The following DROSHA variants were observed in gnomAD, a reference collection of about 807,000 sequenced individuals.
DROSHA encodes the protein ribonuclease 3.
In DROSHA, 56 loss-of-function variants were observed where a neutral mutation model predicts 181.9. That is an observed-to-expected ratio of 0.31 (90% CI 0.25 to 0.38). The LOEUF (loss-of-function observed/expected upper bound fraction) is 0.38. Among genes scored for constraint, DROSHA ranks in the 10% least tolerant of loss-of-function variants. The pLI is 1.00. For missense variants in DROSHA, 1,218 were observed against 1,743.5 expected (o/e 0.70, Z 5.37); for synonymous variants, 524 against 591.2 (o/e 0.89, Z 1.65).
intron 3 of DROSHA, among the ~76,000 whole-genome samples, chr5:31,530,329 G>A (rs952522864): frequency 1.3e-5 from 2 of 151,848 alleles, no homozygotes; most frequent in Non-Finnish European, 2.9e-5. Flanking sequence ...GATAAACCTG[G>A]GGCCCGGACA....
intron 11 of DROSHA, among the ~76,000 whole-genome samples, chr5:31,501,658 T>C (rs1014965575): frequency 7.5e-6 from 1 of 133,866 alleles, no homozygotes; most frequent in Admixed American, 7.4e-5. Flanking sequence ...GCAGGAACTC[T>C]GATTGTAGCT....
chr5:31,433,548 C>CT (rs1358788554), intron 25 of DROSHA, among the ~76,000 whole-genome samples: 3 of 150,124 alleles, frequency 2.0e-5, no homozygotes, highest in Non-Finnish European at 3.0e-5. Flanking sequence ...AGCACAACTT[C>CT]TTTTTTTTTT....
intron 20 of DROSHA, among the ~76,000 whole-genome samples, chr5:31,459,326 A>G (rs1010567101): frequency 1.3e-5 from 2 of 151,834 alleles, no homozygotes; most frequent in African/African-American, 2.4e-5. Flanking sequence ...CCAGGAGTCC[A>G]ATGCAAAAAG....
intron 16 of DROSHA, among the ~76,000 whole-genome samples, chr5:31,482,793 CA>C (rs1274177476): frequency 1.3e-5 from 2 of 150,370 alleles, no homozygotes; most frequent in African/African-American, 4.9e-5. Context: ...AAAAGGCAAC[CA>C]AAAGATTTCA....
intron 29 of DROSHA, chr5:31,421,898 T>TATATATATGTATATATATATATGCGCC (rs1554020855): frequency 2.0e-5 from 1 of 50,454 alleles, no homozygotes. Flanking sequence ...AAAAAAAATA[T>TATATATATGTATATATATATATGCGCC]ATATATATAA....
At chr5:31,435,905 C>T (rs1744731227) in intron 24 of DROSHA, 41 bp from the exon 25 acceptor site, 7 of 1,579,804 alleles carry the variant, frequency 4.4e-6, no homozygotes, top group African/African-American at 2.7e-5. Flanking sequence ...ATATGCATCA[C>T]GACATTCTGT....
At chr5:31,456,229 T>C (rs939373079) in intron 20 of DROSHA, among the ~76,000 whole-genome samples, 7 of 152,186 alleles carry the variant, frequency 4.6e-5, no homozygotes, top group African/African-American at 1.4e-4. Flanking sequence ...TATATTTTTA[T>C]TGGTAGATAA....
chr5:31,418,675 T>G (rs1030207917), intron 30 of DROSHA, among the ~76,000 whole-genome samples: 1 of 152,006 alleles, frequency 6.6e-6, no homozygotes, highest in African/African-American at 2.4e-5. Context: ...AGGAAGAGGA[T>G]AAATTCAAGA....
intron 17 of DROSHA, among the ~76,000 whole-genome samples, chr5:31,468,758 T>C (rs752147369): frequency 1.1e-4 from 17 of 152,202 alleles, no homozygotes; most frequent in Non-Finnish European, 5.9e-5. Flanking sequence ...ACCTCCTTCC[T>C]TATAATCACC....
intron 23 of DROSHA, among the ~76,000 whole-genome samples, chr5:31,445,046 T>C (rs934750230): frequency 6.6e-6 from 1 of 152,342 alleles, no homozygotes; most frequent in East Asian, 1.9e-4. Context: ...ATTGCCTCGA[T>C]TTTCTGTCAC....
intron 12 of DROSHA, 149 bp from the exon 13 acceptor site, chr5:31,493,442 T>A: frequency 1.6e-6 from 1 of 629,356 alleles, no homozygotes; most frequent in Non-Finnish European, 2.6e-6. Context: ...TAATTTTACA[T>A]GAAATTATCC....
chr5:31,468,497 T>C (rs1466409423), intron 17 of DROSHA, among the ~76,000 whole-genome samples: 1 of 152,242 alleles, frequency 6.6e-6, no homozygotes, highest in Non-Finnish European at 1.5e-5. Context: ...GTGGATCTTA[T>C]GTATTCCTTT....
At chr5:31,403,404 CATACATAT>C (rs1258079106) in intron 35 of DROSHA, among the ~76,000 whole-genome samples, 1 of 151,722 alleles carries the variant, frequency 6.6e-6, no homozygotes, top group Non-Finnish European at 1.5e-5. Flanking sequence ...TGTGTATATA[CATACATAT>C]ATACATATAT....
rs114060305 is a variant in DROSHA, at chr5:31,499,995, T to C, written c.1668+4560A>G. On this transcript the variant is annotated intron_variant, in intron 11 of 35. Coordinates refer to ENST00000344624, the MANE Select transcript of DROSHA (RefSeq NM_001382508.1). ...AAGCCTCAAAGAAAATTAGCCACAG[T>C]CAGGGCCCAGGAAACCTGAAATGGG... 5.2e-3 allele frequency among the ~76,000 whole-genome samples: 785 copies of C among 152,280 alleles called. 6 individuals are homozygous for C. Among genetic ancestry groups the C allele is most frequent in the Non-Finnish European group, 5.9e-3 (404 of 68,014 alleles).
At chr5:31,469,392 A>G (rs1749485688) in intron 17 of DROSHA, among the ~76,000 whole-genome samples, 1 of 152,010 alleles carries the variant, frequency 6.6e-6, no homozygotes, top group South Asian at 2.1e-4. Context: ...AACCCCTCAA[A>G]CTTTTTAAGT....
At chr5:31,417,712 T>G (rs1432505370) in intron 30 of DROSHA, among the ~76,000 whole-genome samples, 1 of 152,134 alleles carries the variant, frequency 6.6e-6, no homozygotes, top group African/African-American at 2.4e-5. Context: ...GACTGAGAAC[T>G]GGGCCACTCC....
At chr5:31,447,052 G>A (rs1352688787) in intron 23 of DROSHA, among the ~76,000 whole-genome samples, 1 of 152,036 alleles carries the variant, frequency 6.6e-6, no homozygotes, top group African/African-American at 2.4e-5. Flanking sequence ...AAAAAAAAAT[G>A]TGGTACTTAC....
At chr5:31,406,649 A>G (rs1043606886) in intron 34 of DROSHA, among the ~76,000 whole-genome samples, 1 of 152,202 alleles carries the variant, frequency 6.6e-6, no homozygotes, top group Non-Finnish European at 1.5e-5. Context: ...GCCCCCTTAC[A>G]CAATGGTATT....
At chr5:31,520,684 G>A (rs1382709049) in intron 6 of DROSHA, among the ~76,000 whole-genome samples, 1 of 152,114 alleles carries the variant, frequency 6.6e-6, no homozygotes, top group Non-Finnish European at 1.5e-5. Context: ...ATTAATGTAA[G>A]ACCACAAAAT....
Sources: gnomAD v4.1 joint callset for allele counts (sites outside exome capture counted in the v4.1 genomes callset) on GRCh38, gnomAD v4.1.1 for gene constraint, MANE v1.5 for transcripts, NCBI Gene and HGNC (gene_info 2026-07-23, HGNC 2026-07-21) for gene names.